The following CAMK2D variants were observed in gnomAD, a reference collection of about 807,000 sequenced individuals.
The protein encoded by CAMK2D is calcium/calmodulin-dependent protein kinase type II subunit delta.
CAMK2D carries 37 observed loss-of-function variants against 84.0 expected under a neutral mutation model. That is an observed-to-expected ratio of 0.44 (90% CI 0.34 to 0.58). CAMK2D has a LOEUF of 0.58. Ranked by LOEUF, CAMK2D falls within the 20% of genes least tolerant of loss-of-function variation. The pLI, the probability that CAMK2D is intolerant of heterozygous loss-of-function variation, is 0.02. For synonymous variants in CAMK2D, 202 were observed against 212.5 expected (o/e 0.95, Z 0.43); for missense variants, 448 against 652.5 (o/e 0.69, Z 3.41).
At chr4:113,589,559 G>A (rs936931271) in intron 4 of CAMK2D, among the ~76,000 whole-genome samples, 44 of 152,152 alleles carry the variant, frequency 2.9e-4, no homozygotes, top group African/African-American at 5.8e-4. Context: ...AGGGCGCAAT[G>A]AGTCAATAAT....
intron 16 of CAMK2D, among the ~76,000 whole-genome samples, chr4:113,468,961 G>T (rs897985918): frequency 2.0e-5 from 3 of 152,198 alleles, no homozygotes; most frequent in Non-Finnish European, 4.4e-5. Flanking sequence ...ACTTTCTGGC[G>T]ATTTCTAGAT....
chr4:113,462,322 G>GTC (rs1193252796), intron 17 of CAMK2D, among the ~76,000 whole-genome samples: 1 of 123,430 alleles, frequency 8.1e-6, no homozygotes. Context: ...CTGTCTGTCT[G>GTC]TCTGTCTGTC....
chr4:113,578,166 A>C (rs1467412040), intron 4 of CAMK2D, among the ~76,000 whole-genome samples: 1 of 152,222 alleles, frequency 6.6e-6, no homozygotes, highest in South Asian at 2.1e-4. Flanking sequence ...ACAGTATCTT[A>C]ATATTTCGGA....
chr4:113,598,282 T>TG (rs1422790631), intron 4 of CAMK2D, among the ~76,000 whole-genome samples: 1 of 151,954 alleles, frequency 6.6e-6, no homozygotes. Flanking sequence ...GGCAATACAC[T>TG]GGAAAAAACA....
intron 2 of CAMK2D, among the ~76,000 whole-genome samples, chr4:113,695,509 G>A (rs147222229): frequency 6.6e-6 from 1 of 152,106 alleles, no homozygotes; most frequent in African/African-American, 2.4e-5. Flanking sequence ...CCCCATCTCA[G>A]TAAATGACAA....
chr4:113,649,182 T>C (rs975841944), intron 3 of CAMK2D, among the ~76,000 whole-genome samples: 1 of 152,200 alleles, frequency 6.6e-6, no homozygotes, highest in Non-Finnish European at 1.5e-5. Flanking sequence ...GCCTTACACC[T>C]ACATTCACTC....
intron 16 of CAMK2D, among the ~76,000 whole-genome samples, chr4:113,487,442 T>A (rs1339179809): frequency 2.0e-5 from 3 of 152,096 alleles, no homozygotes; most frequent in Admixed American, 2.0e-4. Context: ...CAAGCAATTA[T>A]TTTACTCTAA....
intron 4 of CAMK2D, among the ~76,000 whole-genome samples, chr4:113,595,244 T>C (rs2098918977): frequency 6.6e-6 from 1 of 152,124 alleles, no homozygotes; most frequent in Non-Finnish European, 1.5e-5. Flanking sequence ...AGACCTGTCT[T>C]GCAAGAAATG....
At chr4:113,462,897 A>G (rs1286120985) in intron 17 of CAMK2D, among the ~76,000 whole-genome samples, 2 of 152,192 alleles carry the variant, frequency 1.3e-5, no homozygotes, top group African/African-American at 4.8e-5. Context: ...TCTTTGGATA[A>G]TCATATGTAT....
At chr4:113,606,503 A>G (rs1261572269) in intron 4 of CAMK2D, among the ~76,000 whole-genome samples, 1 of 151,856 alleles carries the variant, frequency 6.6e-6, no homozygotes, top group Admixed American at 6.6e-5. Flanking sequence ...TCAGAAAAAA[A>G]AAAAAACAAC....
chr4:113,651,822 G>A lies in CAMK2D; in HGVS notation c.220+9891C>T, dbSNP rs141362068. On this transcript the variant is annotated intron_variant, in intron 3 of 20. Coordinates refer to ENST00000511664, the MANE Select transcript of CAMK2D (RefSeq NM_001321571.2). ...TGTACAGCGATAATAATTAATTCAG[G>A]GCCAGATGTGACCACCTAAAAGATG... Among the ~76,000 whole-genome samples the A allele has an allele frequency of 2.9e-3, 439 of 151,978 alleles. 1 individual carries two copies. The highest frequency in any genetic ancestry group is 9.9e-3 in the African/African-American group (412 of 41,448).
At chr4:113,696,439 G>T (rs1431381937) in intron 2 of CAMK2D, among the ~76,000 whole-genome samples, 1 of 151,994 alleles carries the variant, frequency 6.6e-6, no homozygotes, top group Non-Finnish European at 1.5e-5. Context: ...TATTAAGTTG[G>T]TGGATCCATT....
intron 4 of CAMK2D, among the ~76,000 whole-genome samples, chr4:113,559,162 G>T (rs2098686663): frequency 6.6e-6 from 1 of 151,342 alleles, no homozygotes; most frequent in Non-Finnish European, 1.5e-5. Flanking sequence ...AAGATAACAA[G>T]AATATTTACA....
At chr4:113,754,031 T>A in intron 2 of CAMK2D, 1 of 890,236 alleles carries the variant, frequency 1.1e-6, no homozygotes. Context: ...TCATTTAATA[T>A]TTATTAAATA....
rs575531227 is a variant in CAMK2D, at chr4:113,727,437, T to C, written c.160+31883A>G. On this transcript the variant is annotated intron_variant, in intron 2 of 20. Coordinates refer to ENST00000511664, the MANE Select transcript of CAMK2D (RefSeq NM_001321571.2). ...TGACAAAGGCACCAAAATAATTCAA[T>C]AGGGAATAATGATGTTGGAACAACT... Among the ~76,000 whole-genome samples, 6 of 151,948 alleles carry C rather than the reference T, an allele frequency of 3.9e-5. No individual in the cohort carries two copies. The East Asian group carries it at 9.7e-4, about 24-fold the overall frequency.
chr4:113,605,322 T>G (rs1434998912), intron 4 of CAMK2D, among the ~76,000 whole-genome samples: 1 of 152,232 alleles, frequency 6.6e-6, no homozygotes, highest in Non-Finnish European at 1.5e-5. Context: ...CCTAACTGCT[T>G]CTTTGAGTTT....
chr4:113,621,549 T>C (rs909933443), intron 3 of CAMK2D, among the ~76,000 whole-genome samples: 1 of 152,210 alleles, frequency 6.6e-6, no homozygotes. Flanking sequence ...ATTCAGAGAT[T>C]CTAAGCCAAT....
chr4:113,471,113 T>C (rs2097541706), intron 16 of CAMK2D, among the ~76,000 whole-genome samples: 1 of 152,206 alleles, frequency 6.6e-6, no homozygotes, highest in Non-Finnish European at 1.5e-5. Context: ...ACTCCTTTGT[T>C]TTCCTGACTT....
chr4:113,571,640 G>A (rs965775335), intron 4 of CAMK2D, among the ~76,000 whole-genome samples: 1 of 152,176 alleles, frequency 6.6e-6, no homozygotes, highest in African/African-American at 2.4e-5. Context: ...TTGGGAGGCC[G>A]AGGCGGGTGG....
Sources: allele counts gnomAD v4.1 joint callset (sites outside exome capture counted in the v4.1 genomes callset), GRCh38; gene constraint gnomAD v4.1.1; transcripts MANE v1.5; gene names NCBI Gene and HGNC (gene_info 2026-07-23, HGNC 2026-07-21).